The following VAT1L variants were observed in gnomAD, a reference collection of about 807,000 sequenced individuals.
The protein encoded by VAT1L is vesicle amine transport 1 like, also known as putative NADPH-dependent quinone oxidoreductase VAT1L.
A neutral mutation model predicts 44.1 loss-of-function variants in VAT1L; 34 were observed. That is an observed-to-expected ratio of 0.77 (90% confidence interval 0.59 to 1.03). VAT1L has a LOEUF of 1.03. Ranked by LOEUF, VAT1L falls within the 50% of genes least tolerant of loss-of-function variation. VAT1L has a pLI of 0.00. For synonymous variants in VAT1L, 253 were observed against 202.2 expected (o/e 1.25, Z -2.13); for missense variants, 615 against 538.8 (o/e 1.14, Z -1.40).
chr16:77,891,188 A>G (rs1284395477), intron 7 of VAT1L, among the ~76,000 whole-genome samples: 1 of 152,062 alleles, frequency 6.6e-6, no homozygotes, highest in Admixed American at 6.5e-5. Context: ...CCCCGTCACT[A>G]CTAAAAGTAC....
At chr16:77,940,201 C>T (rs997357706) in intron 7 of VAT1L, among the ~76,000 whole-genome samples, 1 of 152,124 alleles carries the variant, frequency 6.6e-6, no homozygotes, top group Non-Finnish European at 1.5e-5. Context: ...ACAGCATTTG[C>T]CAACTTCCAT....
intron 1 of VAT1L, among the ~76,000 whole-genome samples, chr16:77,813,920 G>A (rs1158163090): frequency 6.6e-6 from 1 of 152,210 alleles, no homozygotes; most frequent in Non-Finnish European, 1.5e-5. Flanking sequence ...CATGGCTCTT[G>A]TATGGGCAAG....
intron 4 of VAT1L, among the ~76,000 whole-genome samples, chr16:77,872,624 C>T (rs1396528770): frequency 6.6e-6 from 1 of 152,118 alleles, no homozygotes; most frequent in Non-Finnish European, 1.5e-5. Context: ...GGCTGCTTCC[C>T]AGTCTTCCTC....
In VAT1L at chr16:77,952,140, G is replaced by T. The variant is rs530940428; in HGVS notation, c.1078-19710G>T. ...TACATTTTGAAGGGATGGTTCCCAA[G>T]TCCTTGAGAAAGACATTCCTGGGTT... On this transcript the variant is annotated intron_variant, in intron 7 of 8. Transcript: ENST00000302536. Among the ~76,000 whole-genome samples the T allele has an allele frequency of 1.4e-4, 21 of 152,308 alleles. No individual in the cohort carries two copies. The South Asian group carries it at 1.9e-3, about 14-fold the overall frequency.
At chr16:77,789,013 C>T (rs2015783241) in intron 1 of VAT1L, 98 bp downstream of exon 1, 1 of 1,347,838 alleles carries the variant, frequency 7.4e-7, no homozygotes, top group Admixed American at 3.1e-5. Context: ...CCGGGTAGAA[C>T]CGCCGCGCGC....
Position 77,884,898 on chromosome 16 carries a change from C to T in VAT1L, c.1077+96C>T. The stretch of plus-strand genomic sequence containing the variant: ...CAATCTTCTACTAAATGATTTTTTT[C>T]CCAGATGGGTTTGTTTTAAATGAGG... On this transcript the variant is annotated intron_variant, in intron 7 of 8. Transcript: ENST00000302536. The surrounding 1 kb of genome is among the most constrained non-coding windows in gnomAD (Gnocchi z 4.5). The T allele has an allele frequency of 3.7e-6, 5 of 1,345,876 alleles. No individual in the cohort carries two copies. The highest frequency in any genetic ancestry group is 4.9e-6 in the Non-Finnish European group (5 of 1,022,972). 83.4% of individuals were successfully genotyped at this position (1,345,876 alleles called of 1,614,324 possible). A position where few individuals can be genotyped will look rare whatever the true frequency, so the allele number is the denominator to read the frequency against.
At chr16:77,814,235 TC>T (rs1407590310) in intron 1 of VAT1L, among the ~76,000 whole-genome samples, 1 of 152,126 alleles carries the variant, frequency 6.6e-6, no homozygotes, top group African/African-American at 2.4e-5. Flanking sequence ...ACAGGTCTGA[TC>T]CAACACTCGG....
At chr16:77,798,925 T>A (rs1317636774) in intron 1 of VAT1L, among the ~76,000 whole-genome samples, 3 of 151,484 alleles carry the variant, frequency 2.0e-5, no homozygotes. Flanking sequence ...TCATGATGAG[T>A]TTGTCCCTGG....
chr16:77,810,890 A>G (rs573719632), intron 1 of VAT1L, among the ~76,000 whole-genome samples: 18 of 152,306 alleles, frequency 1.2e-4, no homozygotes, highest in African/African-American at 4.1e-4. Context: ...CAAAATCCCT[A>G]CAGTAAGTAT....
chr16:77,899,755 T>C (rs1312223238), intron 7 of VAT1L, among the ~76,000 whole-genome samples: 1 of 152,208 alleles, frequency 6.6e-6, no homozygotes, highest in African/African-American at 2.4e-5. Context: ...ACCCAACCTT[T>C]CCAGGGTTGA....
chr16:77,817,418 C>A (rs1355633870), intron 2 of VAT1L, among the ~76,000 whole-genome samples: 1 of 152,196 alleles, frequency 6.6e-6, no homozygotes. Context: ...CTACAAAACA[C>A]AGAAGTGTAG....
chr16:77,934,059 G>A (rs1436164714), intron 7 of VAT1L, among the ~76,000 whole-genome samples: 2 of 152,052 alleles, frequency 1.3e-5, no homozygotes, highest in South Asian at 2.1e-4. Context: ...AGTAAGAATA[G>A]AAGTAAGAAG....
At chr16:77,854,369 C>T (rs1947771) in intron 3 of VAT1L, among the ~76,000 whole-genome samples, 80,219 of 151,960 alleles carry the variant, frequency 0.53, 21,583 homozygotes, top group East Asian at 0.77. Flanking sequence ...GGTGAGAACA[C>T]AGAATAGTCT....
chr16:77,861,997 C>A (rs1219816524), intron 3 of VAT1L, among the ~76,000 whole-genome samples: 1 of 152,174 alleles, frequency 6.6e-6, no homozygotes, highest in Non-Finnish European at 1.5e-5. Flanking sequence ...TACCTACATC[C>A]AAATCGTTAT....
intron 8 of VAT1L, 36 bp downstream of exon 8, chr16:77,971,969 G>A (rs1184398194): frequency 8.8e-6 from 14 of 1,592,314 alleles, no homozygotes; most frequent in African/African-American, 2.7e-5. Flanking sequence ...TCAGTTCCAC[G>A]CGAGAGAGCA....
chr16:77,851,371 A>G (rs1459348865), intron 3 of VAT1L, among the ~76,000 whole-genome samples: 5 of 152,226 alleles, frequency 3.3e-5, no homozygotes, highest in Admixed American at 3.3e-4. Context: ...AGAGCTGGCC[A>G]GGCACGGTGG....
intron 7 of VAT1L, among the ~76,000 whole-genome samples, chr16:77,938,647 G>A (rs2142509288): frequency 6.6e-6 from 1 of 152,224 alleles, no homozygotes; most frequent in South Asian, 2.1e-4. Context: ...CTTCCACCAT[G>A]ATGGTAAGTT....
intron 4 of VAT1L, among the ~76,000 whole-genome samples, chr16:77,868,075 G>A (rs969381982): frequency 6.6e-6 from 1 of 152,118 alleles, no homozygotes; most frequent in Non-Finnish European, 1.5e-5. Context: ...CCTACTGAAT[G>A]TCATAGCTTA....
intron 7 of VAT1L, among the ~76,000 whole-genome samples, chr16:77,960,878 C>A (rs1244475767): frequency 2.0e-5 from 3 of 152,004 alleles, no homozygotes; most frequent in Non-Finnish European, 4.4e-5. Flanking sequence ...CCTCTGCTTG[C>A]ATGGGGTGAG....
Sources: allele counts gnomAD v4.1 joint callset (sites outside exome capture counted in the v4.1 genomes callset), GRCh38; gene constraint gnomAD v4.1.1; non-coding constraint Gnocchi (gnomAD v3.1); transcripts MANE v1.5; gene names NCBI Gene and HGNC (gene_info 2026-07-23, HGNC 2026-07-21).